RHOBTB3: variants seen among roughly 807,000 people sequenced by gnomAD.
RHOBTB3 encodes the protein Rho related BTB domain containing 3, also known as rho-related BTB domain-containing protein 3.
In RHOBTB3, 47 loss-of-function variants were observed where a neutral mutation model predicts 67.2. The ratio of observed to expected loss-of-function variants is 0.70; its 90% CI spans 0.55 to 0.89. The LOEUF is 0.89. Ranked by LOEUF, RHOBTB3 falls within the 40% of genes least tolerant of loss-of-function variation. The pLI, the probability that RHOBTB3 is intolerant of heterozygous loss-of-function variation, is 0.00. For synonymous variants in RHOBTB3, 273 were observed against 274.2 expected (o/e 1.00, Z 0.04); for missense variants, 631 against 750.0 (o/e 0.84, Z 1.85).
intron 3 of RHOBTB3, among the ~76,000 whole-genome samples, chr5:95,741,155 G>A (rs554727486): frequency 2.0e-5 from 3 of 151,600 alleles, no homozygotes; most frequent in Non-Finnish European, 4.4e-5. Context: ...GGTGAAACCC[G>A]GTCTCTACTA....
intron 6 of RHOBTB3, among the ~76,000 whole-genome samples, chr5:95,760,890 T>A (rs79747175): frequency 0.038 from 5,758 of 152,346 alleles, 165 homozygotes; most frequent in Middle Eastern, 0.078. Context: ...GCCTTAGGAT[T>A]ACTGGTTTAT....
intron 2 of RHOBTB3, among the ~76,000 whole-genome samples, chr5:95,735,866 C>T (rs191017042): frequency 3.3e-5 from 5 of 152,214 alleles, no homozygotes; most frequent in Middle Eastern, 3.4e-3. Flanking sequence ...TTTGGGAGAC[C>T]GAAGTGGGCA....
intron 8 of RHOBTB3, chr5:95,770,709 C>A: frequency 4.3e-6 from 2 of 465,498 alleles, no homozygotes; most frequent in Non-Finnish European, 4.3e-6. Flanking sequence ...TTTCTGATTC[C>A]TAGAATAGGG....
chr5:95,731,155 G>A (rs532431059), upstream of RHOBTB3: 219 of 1,017,080 alleles, frequency 2.2e-4, no homozygotes, highest in African/African-American at 3.4e-3. Flanking sequence ...CCGCGCGGGC[G>A]GCTCCTTTGT....
chr5:95,780,639 G>A (rs757916480), intron 9 of RHOBTB3, among the ~76,000 whole-genome samples: 33 of 152,100 alleles, frequency 2.2e-4, no homozygotes, highest in African/African-American at 5.6e-4. Flanking sequence ...ATGGGTCTCC[G>A]ACGCCGGCAC....
chr5:95,740,717 A>T (rs970954474), intron 3 of RHOBTB3, among the ~76,000 whole-genome samples: 6 of 152,198 alleles, frequency 3.9e-5, no homozygotes, highest in Non-Finnish European at 8.8e-5. Flanking sequence ...CAGAATAGTT[A>T]TCCTAGAATA....
chr5:95,735,645 C>T (rs1474478736), intron 2 of RHOBTB3, among the ~76,000 whole-genome samples: 2 of 152,098 alleles, frequency 1.3e-5, no homozygotes, highest in Non-Finnish European at 2.9e-5. Context: ...TTATTACATC[C>T]TAGAAATGTG....
chr5:95,786,227 C>G (rs1746219816), intron 10 of RHOBTB3, among the ~76,000 whole-genome samples: 1 of 152,156 alleles, frequency 6.6e-6, no homozygotes, highest in Admixed American at 6.5e-5. Context: ...TCAGTTCACC[C>G]TGTTGGTCAG....
In RHOBTB3 at chr5:95,720,335, C is replaced by T. The variant is rs1010858034; in HGVS notation, n.133+2570C>T. 1.1e-4 allele frequency among the ~76,000 whole-genome samples: 17 copies of T among 151,376 alleles called. No individual in the cohort carries two copies. In the East Asian group the frequency reaches 2.3e-3, roughly 21 times the overall value. ...TAGTGACTCTATTTAGATCAATTCA[C>T]TTCCTGCAATAAAAATATTTGAGAT... On this transcript the variant is annotated intron_variant and non_coding_transcript_variant, in intron 1 of 5. Coordinates refer to the RHOBTB3 transcript ENST00000504949.
intron 7 of RHOBTB3, among the ~76,000 whole-genome samples, 182 bp downstream of exon 7, chr5:95,763,802 T>TTGTGTGTG (rs60736311): frequency 0.098 from 14,515 of 148,860 alleles, 853 homozygotes; most frequent in Non-Finnish European, 0.14. Context: ...GTATCTTAGA[T>TTGTGTGTG]TGTGTGTGTG....
upstream of RHOBTB3, among the ~76,000 whole-genome samples, chr5:95,726,486 T>C (rs1329884811): frequency 6.6e-6 from 1 of 152,264 alleles, no homozygotes; most frequent in Non-Finnish European, 1.5e-5. Flanking sequence ...CAGTTCAGAA[T>C]ATCATTGTCT....
intron 3 of RHOBTB3, among the ~76,000 whole-genome samples, chr5:95,740,836 A>G (rs554901728): frequency 6.6e-6 from 1 of 152,264 alleles, no homozygotes; most frequent in Non-Finnish European, 1.5e-5. Context: ...TAAGACATTG[A>G]ACCCTAGATT....
rs1253803432 is a variant in RHOBTB3, at chr5:95,780,256, G to A, written c.1287G>A (p.Thr429=). ...LADVVFEIQG[T]TVPAHRAILV... ...TTTCCCTTTTGAACCTTTCAGGTACGACAGTGCCAGCCCACAGGGCCATCC... is the reference window on the plus strand; with the variant it reads ...TTTCCCTTTTGAACCTTTCAGGTACAACAGTGCCAGCCCACAGGGCCATCC... Residue 429 remains threonine, a synonymous_variant, in exon 9 of 12, where the codon ACG becomes ACA. Transcript: ENST00000379982. 5 of 1,613,460 alleles carry A rather than the reference G, an allele frequency of 3.1e-6. No homozygotes were observed. Among genetic ancestry groups the A allele is most frequent in the Admixed American group, 1.7e-5 (1 of 59,966 alleles).
chr5:95,739,195 C>T (rs1242095911), intron 3 of RHOBTB3, among the ~76,000 whole-genome samples: 2 of 152,232 alleles, frequency 1.3e-5, no homozygotes, highest in African/African-American at 4.8e-5. Context: ...TATCCATTCA[C>T]CCAAACAAGA....
chr5:95,738,336 C>T (rs77688681), intron 3 of RHOBTB3, among the ~76,000 whole-genome samples: 8,230 of 152,080 alleles, frequency 0.054, 307 homozygotes, highest in South Asian at 0.13. Flanking sequence ...TTCTTCAGTC[C>T]GCTACAGTCT....
At chr5:95,752,570 T>G (rs1195514052) in intron 5 of RHOBTB3, among the ~76,000 whole-genome samples, 1 of 152,160 alleles carries the variant, frequency 6.6e-6, no homozygotes, top group Non-Finnish European at 1.5e-5. Context: ...AAATACTGCT[T>G]TAAAAATTGA....
At chr5:95,719,915 C>G (rs1754816176) in intron 1 of RHOBTB3, 1 of 152,158 alleles carries the variant, frequency 6.6e-6, no homozygotes, top group Admixed American at 6.5e-5. Flanking sequence ...ACAAAACATC[C>G]TTGGGATCAA....
At chr5:95,767,302 G>A (rs1745574824) in intron 7 of RHOBTB3, among the ~76,000 whole-genome samples, 1 of 151,856 alleles carries the variant, frequency 6.6e-6, no homozygotes, top group African/African-American at 2.4e-5. Context: ...GTAAGTAGAA[G>A]AAGGATATGG....
intron 5 of RHOBTB3, among the ~76,000 whole-genome samples, chr5:95,754,023 A>G (rs1745170016): frequency 6.6e-6 from 1 of 152,078 alleles, no homozygotes; most frequent in South Asian, 2.1e-4. Context: ...GCAGAGCTGC[A>G]TGAACCAGGG....
Sources: gnomAD v4.1 joint callset for allele counts (sites outside exome capture counted in the v4.1 genomes callset) on GRCh38, gnomAD v4.1.1 for gene constraint, MANE v1.5 for transcripts, NCBI Gene and HGNC (gene_info 2026-07-23, HGNC 2026-07-21) for gene names.